Variants in TXLNG observed in about 807,000 individuals in gnomAD.
TXLNG encodes taxilin gamma.
Under a neutral mutation model 38.8 loss-of-function variants are expected in TXLNG, and 5 were observed. That is an observed-to-expected ratio of 0.13 (90% CI 0.07 to 0.27). TXLNG has a LOEUF of 0.27. TXLNG is among the 10% of genes least tolerant of loss of function. The pLI, the probability that TXLNG is intolerant of heterozygous loss-of-function variation, is 1.00. For synonymous variants in TXLNG, 182 were observed against 158.2 expected (o/e 1.15, Z -1.13); for missense variants, 393 against 398.2 (o/e 0.99, Z 0.11).
intron 5 of TXLNG, 22 bp downstream of exon 5, chrX:16,829,792 A>C (rs1929317448): frequency 8.4e-7 from 1 of 1,183,846 alleles, no homozygotes; most frequent in African/African-American, 1.8e-5. Flanking sequence ...TGGTTTATTT[A>C]AACGGCTTCT....
chrX:16,786,785 G>C (rs1927504523), intron 1 of TXLNG, among the ~76,000 whole-genome samples, 196 bp downstream of exon 1: 2 of 108,502 alleles, frequency 1.8e-5, no homozygotes, highest in Admixed American at 1.9e-4. Context: ...GGGAAGGGAC[G>C]ACGGTTGGGG....
Position 16,818,686 on chromosome X carries a change from G to T in TXLNG, c.215G>T (p.Gly72Val). 2.5e-6 allele frequency: 3 copies of T among 1,211,848 alleles called. No individual in the cohort carries two copies. The highest frequency in any genetic ancestry group is 3.3e-6 in the Non-Finnish European group (3 of 895,556). ...DILQHQGSNC[G>V]GTSNKHSLEE... ...CTTCAACATCAAGGCTCAAATTGTG[G>T]TGGCACAAGTAACAAGCATTCATTG... The change falls in exon 2 of 10, where the codon GGT becomes GTT. Residue 72 changes from glycine to valine, a missense_variant. Transcript: ENST00000380122.
Position 16,841,460 on chromosome X carries a change from T to G in TXLNG, c.1281T>G (p.Leu427=). 1 of 1,209,239 alleles carries G rather than the reference T, an allele frequency of 8.3e-7. No homozygotes were observed. The highest frequency in any genetic ancestry group is 3.0e-5 in the East Asian group (1 of 33,785). ...KTVRDKEYKA[L]QIKLERLEKL... Reference sequence around the variant, plus strand: ...TCCGTGATAAAGAGTACAAGGCCCTTCAAATAAAACTGGAACGGTTAGAGA... The same window carrying G: ...TCCGTGATAAAGAGTACAAGGCCCTGCAAATAAAACTGGAACGGTTAGAGA... Residue 427 remains leucine (L), a synonymous_variant, in exon 10 of 10, where the codon CTT becomes CTG. Coordinates refer to ENST00000380122, the MANE Select transcript of TXLNG (RefSeq NM_018360.3).
In TXLNG at chrX:16,842,430, C is replaced by T. The variant is rs1051455374; in HGVS notation, c.*664C>T. The T allele has an allele frequency of 9.0e-6, 1 of 111,607 alleles. No individual in the cohort carries two copies. The highest frequency in any genetic ancestry group is 3.3e-5 in the African/African-American group (1 of 30,685). The allele number at this position is 111,607 out of a possible 1,213,427, so 9.2% of individuals were successfully genotyped here. The stretch of plus-strand genomic sequence containing the variant: ...ACTAGACAAATAAGCTTAGTGTTTA[C>T]GTGACTGAACAGTCATCCTGCTTTG... On this transcript the variant is annotated 3_prime_UTR_variant, in exon 10 of 10. Transcript: ENST00000380122.
At chrX:16,796,326 C>G (rs938258612) in intron 1 of TXLNG, among the ~76,000 whole-genome samples, 1 of 111,271 alleles carries the variant, frequency 9.0e-6, no homozygotes, top group Non-Finnish European at 1.9e-5. Context: ...TTTAACATAA[C>G]CTGGGAAGAG....
chrX:16,830,422 C>A (rs1234701463), intron 5 of TXLNG, among the ~76,000 whole-genome samples: 7 of 103,412 alleles, frequency 6.8e-5, no homozygotes, highest in African/African-American at 2.5e-4. Flanking sequence ...CAGGTTAGTA[C>A]CTATTTGCTA....
rs1025173293 is a variant in TXLNG at position 16,786,598 on chromosome X, G to A, written c.102+9G>A. ...GCAGCCCGCGGCAGAAGGTCAGTCA[G>A]GGGGACGCCCTCGTTGTTGTCGGGC... On this transcript the variant is annotated intron_variant, in intron 1 of 9. Transcript: ENST00000380122. 1 of 1,048,010 alleles carries A rather than the reference G, an allele frequency of 9.5e-7. No homozygotes were observed. Among genetic ancestry groups the A allele is most frequent in the East Asian group, 4.0e-5 (1 of 25,231 alleles). The allele number at this position is 1,048,010 out of a possible 1,213,427, so 86.4% of individuals were successfully genotyped here.
chrX:16,792,346 C>A (rs1254876459), intron 1 of TXLNG, among the ~76,000 whole-genome samples: 1 of 111,930 alleles, frequency 8.9e-6, no homozygotes, highest in African/African-American at 3.2e-5. Flanking sequence ...TTTCTGCTTA[C>A]CTCGTTAAGT....
chrX:16,816,129 C>T (rs941302729), intron 1 of TXLNG, among the ~76,000 whole-genome samples: 51 of 106,832 alleles, frequency 4.8e-4, no homozygotes, highest in Non-Finnish European at 6.0e-4. Flanking sequence ...TGCAGTGGCG[C>T]GATATCGGCT....
At chrX:16,806,519 C>T (rs1216765445) in intron 1 of TXLNG, among the ~76,000 whole-genome samples, 2 of 112,431 alleles carry the variant, frequency 1.8e-5, no homozygotes, top group South Asian at 3.6e-4. Context: ...TGGTGGCTCA[C>T]GCCTGTAATT....
At chrX:16,810,205 G>A (rs954599938) in intron 1 of TXLNG, among the ~76,000 whole-genome samples, 1 of 111,908 alleles carries the variant, frequency 8.9e-6, no homozygotes, top group African/African-American at 3.2e-5. Flanking sequence ...ACTATTTACT[G>A]TATAAGTATT....
chrX:16,810,946 G>T (rs1416380103), intron 1 of TXLNG, among the ~76,000 whole-genome samples: 1 of 112,072 alleles, frequency 8.9e-6, no homozygotes, highest in Non-Finnish European at 1.9e-5. Flanking sequence ...CCCCCAAATT[G>T]CTGGGTTTCC....
At chrX:16,837,974 T>G (rs1929653681) in intron 8 of TXLNG, among the ~76,000 whole-genome samples, 1 of 112,050 alleles carries the variant, frequency 8.9e-6, no homozygotes, top group Admixed American at 9.5e-5. Context: ...TTTGTTTGTT[T>G]TAACCACTTT....
At chrX:16,829,172 T>C (rs1929283663) in intron 4 of TXLNG, among the ~76,000 whole-genome samples, 1 of 111,834 alleles carries the variant, frequency 8.9e-6, no homozygotes, top group Admixed American at 9.5e-5. Flanking sequence ...CATCAGAAAG[T>C]AGTTACAGAA....
chrX:16,815,865 T>A (rs905018844), intron 1 of TXLNG, among the ~76,000 whole-genome samples: 1 of 109,947 alleles, frequency 9.1e-6, no homozygotes, highest in Non-Finnish European at 1.9e-5. Flanking sequence ...GTATTGATAG[T>A]ACTCACTTTT....
chrX:16,816,035 C>T (rs1231022881), intron 1 of TXLNG, among the ~76,000 whole-genome samples: 1 of 109,769 alleles, frequency 9.1e-6, no homozygotes, highest in Non-Finnish European at 1.9e-5. Flanking sequence ...AATAATACTG[C>T]TATAGTATGT....
chrX:16,803,464 C>T (rs1928193396), intron 1 of TXLNG: 2 of 105,356 alleles, frequency 1.9e-5, no homozygotes, highest in Non-Finnish European at 3.9e-5. Flanking sequence ...ACGCCATTCT[C>T]CTGCCTCAGC....
chrX:16,798,723 C>T (rs1425021617), intron 1 of TXLNG, among the ~76,000 whole-genome samples: 1 of 110,037 alleles, frequency 9.1e-6, no homozygotes, highest in Non-Finnish European at 1.9e-5. Context: ...GTAGCTGGGA[C>T]TACAGGAATG....
At chrX:16,795,031 A>C (rs762792037) in intron 1 of TXLNG, among the ~76,000 whole-genome samples, 3 of 111,493 alleles carry the variant, frequency 2.7e-5, no homozygotes, top group African/African-American at 9.8e-5. Context: ...TAATCCCAGC[A>C]CTTTGGGAGG....
Sources: allele counts gnomAD v4.1 joint callset (sites outside exome capture counted in the v4.1 genomes callset), GRCh38; gene constraint gnomAD v4.1.1; transcripts MANE v1.5; gene names NCBI Gene and HGNC (gene_info 2026-07-23, HGNC 2026-07-21).